NUDCD3: variants seen among roughly 807,000 people sequenced by gnomAD.
NUDCD3 encodes nudC domain-containing protein 3.
A neutral mutation model predicts 39.7 loss-of-function variants in NUDCD3; 13 were observed. That is an observed-to-expected ratio of 0.33 (90% CI 0.21 to 0.52). NUDCD3 has a LOEUF of 0.52. NUDCD3 is among the 20% of genes least tolerant of loss of function. The probability of loss-of-function intolerance (pLI) is 0.96; values close to 1 mark genes in which losing one functional copy is unlikely to be tolerated. For missense variants in NUDCD3, 453 were observed against 458.1 expected, an observed-to-expected ratio of 0.99 and a Z score of 0.10; for synonymous variants, 175 against 172.4, an observed-to-expected ratio of 1.02 and a Z score of -0.12.
chr7:44,428,730 T>C (rs1799289816), intron 2 of NUDCD3, among the ~76,000 whole-genome samples: 1 of 152,188 alleles, frequency 6.6e-6, no homozygotes, highest in Non-Finnish European at 1.5e-5. Context: ...TTCCATAAAA[T>C]GTAACAATGC....
intron 2 of NUDCD3, among the ~76,000 whole-genome samples, chr7:44,450,158 C>G (rs919268469): frequency 6.6e-6 from 1 of 151,910 alleles, no homozygotes; most frequent in Non-Finnish European, 1.5e-5. Context: ...AAATACCACA[C>G]TGAACCTATA....
chr7:44,430,601 CACAA>C (rs1011080419), intron 2 of NUDCD3, among the ~76,000 whole-genome samples: 24 of 149,968 alleles, frequency 1.6e-4, no homozygotes, highest in African/African-American at 5.7e-4. Flanking sequence ...CACACACACA[CACAA>C]AAGACCAACA....
In NUDCD3 at chr7:44,437,270, A is replaced by G. The variant is rs113162569; in HGVS notation, c.510-9567T>C. ...TTTTTAGTAGAGATGGGGTTTCACC[A>G]TGTTGGTCAGGCTGGTCTCAAACTT... On this transcript the variant is annotated intron_variant, in intron 2 of 5. Coordinates refer to ENST00000355451, the MANE Select transcript of NUDCD3 (RefSeq NM_015332.4). 1.1e-3 allele frequency among the ~76,000 whole-genome samples: 171 copies of G among 151,632 alleles called. 1 individual carries two copies. The East Asian group carries it at 0.028, about 25-fold the overall frequency.
chr7:44,402,544 A>G, intron 4 of NUDCD3: 1 of 423,348 alleles, frequency 2.4e-6, no homozygotes, highest in South Asian at 1.7e-5. Flanking sequence ...AAGATTCCAA[A>G]TACGGTGGCT....
chr7:44,409,852 G>C (rs1798890051), intron 3 of NUDCD3, among the ~76,000 whole-genome samples: 1 of 151,830 alleles, frequency 6.6e-6, no homozygotes, highest in African/African-American at 2.4e-5. Context: ...ATTTTTTTAA[G>C]AATCAAATAC....
chr7:44,453,181 C>T (rs922880121), intron 2 of NUDCD3, among the ~76,000 whole-genome samples: 1 of 152,062 alleles, frequency 6.6e-6, no homozygotes, highest in African/African-American at 2.4e-5. Context: ...GGTGAAACCC[C>T]ATCTCTACTA....
chr7:44,390,615 T>C (rs951098229), intron 5 of NUDCD3, among the ~76,000 whole-genome samples: 2 of 152,186 alleles, frequency 1.3e-5, no homozygotes, highest in East Asian at 3.9e-4. Context: ...GCATCTGGGT[T>C]CATGTTCTCC....
intron 4 of NUDCD3, among the ~76,000 whole-genome samples, chr7:44,397,806 G>C (rs112731140): frequency 6.6e-6 from 1 of 152,004 alleles, no homozygotes; most frequent in Non-Finnish European, 1.5e-5. Context: ...CCTTTGTCCT[G>C]AGTTATTTCC....
chr7:44,396,786 C>T (rs148530059), intron 4 of NUDCD3, among the ~76,000 whole-genome samples: 136 of 152,294 alleles, frequency 8.9e-4, no homozygotes, highest in African/African-American at 3.1e-3. Context: ...TTAAAAACCA[C>T]TGAATGGTAC....
chr7:44,428,638 G>C (rs990082631), intron 2 of NUDCD3, among the ~76,000 whole-genome samples: 4 of 152,176 alleles, frequency 2.6e-5, no homozygotes, highest in African/African-American at 7.2e-5. Flanking sequence ...AAATCTTATT[G>C]TATAGGCCTG....
chr7:44,477,830 T>C (rs2116974388), intron 2 of NUDCD3, among the ~76,000 whole-genome samples: 1 of 146,448 alleles, frequency 6.8e-6, no homozygotes, highest in East Asian at 2.0e-4. Flanking sequence ...TTCTTTTTTT[T>C]TTTTTTTTTT....
At chr7:44,484,884 T>A in intron 2 of NUDCD3, 84 bp downstream of exon 2, 2 of 1,035,852 alleles carry the variant, frequency 1.9e-6, no homozygotes, top group Non-Finnish European at 2.8e-6. Flanking sequence ...ATTAATGTGT[T>A]ACAAAGTAAG....
chr7:44,404,809 A>G (rs751271871), intron 3 of NUDCD3, among the ~76,000 whole-genome samples: 9 of 152,330 alleles, frequency 5.9e-5, no homozygotes, highest in Non-Finnish European at 1.0e-4. Flanking sequence ...CTTTCTCAGC[A>G]TAACTGGTAA....
chr7:44,394,534 G>A (rs1798584044), intron 4 of NUDCD3, among the ~76,000 whole-genome samples: 1 of 152,234 alleles, frequency 6.6e-6, no homozygotes, highest in Non-Finnish European at 1.5e-5. Context: ...TCTCTGGAAA[G>A]AAGAGATCCT....
intron 4 of NUDCD3, among the ~76,000 whole-genome samples, chr7:44,403,957 C>T (rs1034772034): frequency 6.6e-6 from 1 of 152,202 alleles, no homozygotes; most frequent in Non-Finnish European, 1.5e-5. Context: ...ACCAACAGAT[C>T]TGGCCCAGGC....
At chr7:44,460,155 C>T (rs887076378) in intron 2 of NUDCD3, among the ~76,000 whole-genome samples, 1 of 152,082 alleles carries the variant, frequency 6.6e-6, no homozygotes, top group Non-Finnish European at 1.5e-5. Context: ...AGTGAATCAA[C>T]TGATAGAAGA....
chr7:44,468,462 G>A (rs1370537555), intron 2 of NUDCD3, among the ~76,000 whole-genome samples: 1 of 151,934 alleles, frequency 6.6e-6, no homozygotes, highest in Non-Finnish European at 1.5e-5. Flanking sequence ...TGAATGCCCG[G>A]TCTCTAGACT....
chr7:44,490,355 G>A (rs1384090985), intron 1 of NUDCD3, 54 bp downstream of exon 1: 2 of 1,454,226 alleles, frequency 1.4e-6, no homozygotes, highest in East Asian at 2.6e-5. Context: ...GGCGCCAGGA[G>A]TCAGGGCAGG....
intron 3 of NUDCD3, among the ~76,000 whole-genome samples, chr7:44,417,506 T>C (rs987053239): frequency 6.6e-6 from 1 of 152,194 alleles, no homozygotes; most frequent in African/African-American, 2.4e-5. Flanking sequence ...TACAAACCCT[T>C]TCAGAGAAAG....
Sources: gnomAD v4.1 joint callset for allele counts (sites outside exome capture counted in the v4.1 genomes callset) on GRCh38, gnomAD v4.1.1 for gene constraint, MANE v1.5 for transcripts, NCBI Gene and HGNC (gene_info 2026-07-23, HGNC 2026-07-21) for gene names.